The following HIVEP3 variants were observed in gnomAD, a reference collection of about 807,000 sequenced individuals.
HIVEP3 encodes HIVEP zinc finger 3, also known as transcription factor HIVEP3.
In HIVEP3, 49 loss-of-function variants were observed where a neutral mutation model predicts 152.8. The ratio of observed to expected loss-of-function variants is 0.32; its 90% CI spans 0.26 to 0.41. The LOEUF (loss-of-function observed/expected upper bound fraction) is 0.41, where lower values mean the gene tolerates loss of function less well. Among genes scored for constraint, HIVEP3 ranks in the 10% least tolerant of loss-of-function variants. The pLI is 1.00. For missense variants in HIVEP3, 2,790 were observed against 3,103.3 expected (o/e 0.90, Z 2.40); for synonymous variants, 1,269 against 1,289.0 (o/e 0.98, Z 0.33).
intron 5 of HIVEP3, among the ~76,000 whole-genome samples, chr1:41,572,391 C>T (rs965114219): frequency 6.6e-6 from 1 of 150,956 alleles, no homozygotes; most frequent in African/African-American, 2.4e-5. Flanking sequence ...TGCTGGGCAG[C>T]GTACCCTTCC....
intron 1 of HIVEP3, among the ~76,000 whole-genome samples, chr1:41,939,848 T>C (rs528913271): frequency 4.6e-5 from 7 of 152,198 alleles, no homozygotes; most frequent in African/African-American, 9.6e-5. Context: ...GCTAAATATA[T>C]GTCTTCCCTC....
In HIVEP3 at chr1:41,513,267, T is replaced by C. The variant is rs376287184; in HGVS notation, c.5954A>G (p.His1985Arg). ...AGSRPPLARK[H>R]SLTKNDSSPQ... is the part of the protein sequence containing the mutation. The stretch of plus-strand genomic sequence containing the variant: ...AGATGAGTCGTTTTTGGTTAGCGAG[T>C]GTTTGCGGGCTAGTGGTGGACGGCT... The change falls in exon 8 of 9, where the codon CAC becomes CGC. Residue 1985 changes from histidine to arginine, a missense_variant. Physicochemically the swap from His to Arg is conservative, Grantham distance 29 (BLOSUM62 0). Around this residue, in one of 9 missense-constraint regions of HIVEP3, gnomAD observed 816 missense variants for 806.5 expected, o/e 1.01. Transcript: ENST00000372583. 1.0e-5 allele frequency: 16 copies of C among 1,602,122 alleles called. No individual in the cohort carries two copies. Among genetic ancestry groups the C allele is most frequent in the Non-Finnish European group, 1.3e-5 (15 of 1,174,140 alleles).
intron 2 of HIVEP3, among the ~76,000 whole-genome samples, chr1:41,694,957 A>G (rs1393952374): frequency 6.6e-6 from 1 of 152,130 alleles, no homozygotes; most frequent in African/African-American, 2.4e-5. Context: ...AGACCACCAG[A>G]GTCTGGGAGG....
rs1271424242 is a variant in HIVEP3, at chr1:41,563,121, C to T, written c.5207+12423G>A. ...CAGCACTTCGGGAGGCTGAAGTGAG[C>T]GGATCACTTGAAGTCAGGAGTTTAA... is the stretch of plus-strand genomic sequence containing the variant. On this transcript the variant is annotated intron_variant, in intron 5 of 8. Coordinates refer to ENST00000372583, the MANE Select transcript of HIVEP3 (RefSeq NM_024503.5). 5.9e-5 allele frequency among the ~76,000 whole-genome samples: 9 copies of T among 152,034 alleles called. No homozygotes were observed. In the East Asian group the frequency reaches 1.2e-3, roughly 20 times the overall value.
At chr1:41,858,241 T>C (rs963429563) in intron 1 of HIVEP3, among the ~76,000 whole-genome samples, 2 of 152,222 alleles carry the variant, frequency 1.3e-5, no homozygotes, top group Non-Finnish European at 2.9e-5. Context: ...CATATTGGAA[T>C]GGACTGTTTC....
At chr1:41,725,286 C>T (rs989085325) in intron 1 of HIVEP3, among the ~76,000 whole-genome samples, 1 of 152,166 alleles carries the variant, frequency 6.6e-6, no homozygotes, top group African/African-American at 2.4e-5. Flanking sequence ...ACTTATCAGC[C>T]GATGTCTCCT....
At chr1:42,030,047 C>T (rs779203609) in intron 1 of HIVEP3, among the ~76,000 whole-genome samples, 2 of 152,232 alleles carry the variant, frequency 1.3e-5, no homozygotes, top group South Asian at 2.1e-4. Context: ...TGCCTTTCTC[C>T]CACCCGACCC....
Position 41,580,897 on chromosome 1 carries a change from A to G in HIVEP3, c.3901T>C (p.Ser1301Pro). Residue 1301 changes from serine (S) to proline (P), a missense_variant, in exon 4 of 9, where the codon TCA becomes CCA. Transcript: ENST00000372583. ...APPASSSAPT[S>P]APPLALPACP... The stretch of plus-strand genomic sequence containing the variant: ...GCAGGCAGGGCCAGTGGAGGAGCTG[A>G]TGTAGGTGCTGAGGAGCTGGCTGGG... The G allele has an allele frequency of 6.2e-7, 1 of 1,612,050 alleles. No homozygotes were observed.
intron 6 of HIVEP3, among the ~76,000 whole-genome samples, chr1:41,521,406 A>AG (rs1325540027): frequency 3.9e-5 from 6 of 152,350 alleles, no homozygotes; most frequent in Admixed American, 6.5e-5. Context: ...TGCCCCCGCC[A>AG]CGGGGGTGCA....
chr1:41,787,540 T>C (rs1649426471), intron 1 of HIVEP3, among the ~76,000 whole-genome samples: 1 of 149,012 alleles, frequency 6.7e-6, no homozygotes, highest in Non-Finnish European at 1.5e-5. Context: ...TCTTTCTTTT[T>C]TTTTTTTTTT....
At chr1:41,562,029 A>G (rs1264918253) in intron 5 of HIVEP3, among the ~76,000 whole-genome samples, 2 of 152,182 alleles carry the variant, frequency 1.3e-5, no homozygotes, top group Non-Finnish European at 2.9e-5. Context: ...GGAAAGAACT[A>G]TGAAGGAGGA....
intron 1 of HIVEP3, among the ~76,000 whole-genome samples, chr1:41,966,801 A>AC (rs1479640058): frequency 1.3e-5 from 2 of 151,752 alleles, no homozygotes; most frequent in South Asian, 4.2e-4. Context: ...TATTCAAAAG[A>AC]CCCATCTCAC....
intron 2 of HIVEP3, among the ~76,000 whole-genome samples, chr1:41,685,660 G>A (rs934705481): frequency 6.6e-6 from 1 of 152,164 alleles, no homozygotes; most frequent in African/African-American, 2.4e-5. Flanking sequence ...TCACAAACCC[G>A]ATTTCTACCT....
intron 1 of HIVEP3, among the ~76,000 whole-genome samples, chr1:41,887,561 G>A (rs1644366417): frequency 6.6e-6 from 1 of 152,186 alleles, no homozygotes; most frequent in Admixed American, 6.5e-5. Flanking sequence ...CCATAGGGCA[G>A]CCTGGGCTAC....
Position 41,582,681 on chromosome 1 carries a change from G to A in HIVEP3, c.2117C>T (p.Thr706Ile), listed in dbSNP as rs1424796119. Residue 706 changes from threonine to isoleucine, a missense_variant, in exon 4 of 9, where the codon ACC (threonine) becomes ATC (isoleucine). Thr to Ile is a moderately conservative substitution (Grantham distance 89). Coordinates refer to ENST00000372583, the MANE Select transcript of HIVEP3 (RefSeq NM_024503.5). This position sits in a 1 kb window ranked among gnomAD's most constrained non-coding sequence, Gnocchi z 4.7. ...CTTCCTCAGTGGAGTGAGTTCCAGG[G>A]TGGTTCCCAGTTTGTAATGCATCAT... ...SQMMHYKLGT[T>I]LELTPLRKRR... The A allele has an allele frequency of 3.1e-6, 5 of 1,614,136 alleles. No individual in the cohort carries two copies. The South Asian group carries it at 5.5e-5, about 18-fold the overall frequency.
chr1:41,582,116 G>C lies in HIVEP3; in HGVS notation c.2682C>G (p.Ala894=). 1 of 1,614,122 alleles carries C rather than the reference G, an allele frequency of 6.2e-7. No homozygotes were observed. The highest frequency in any genetic ancestry group is 8.5e-7 in the Non-Finnish European group (1 of 1,180,028). ...GTGGCAGCTTCTCAGCTGGGAGCTGGGCAAGTGTCTGGCTGCGCTGGGGCC... is the reference window on the plus strand; with the variant it reads ...GTGGCAGCTTCTCAGCTGGGAGCTGCGCAAGTGTCTGGCTGCGCTGGGGCC... ...FQWPQRSQTL[A]QLPAEKLPPK... The change falls in exon 4 of 9, where the codon GCC becomes GCG. Residue 894 remains alanine (A), a synonymous_variant. Transcript: ENST00000372583. This position sits in a 1 kb window ranked among gnomAD's most constrained non-coding sequence, Gnocchi z 4.7.
intron 5 of HIVEP3, among the ~76,000 whole-genome samples, chr1:41,562,868 C>T (rs1051956760): frequency 5.9e-5 from 9 of 152,044 alleles, no homozygotes; most frequent in African/African-American, 1.7e-4. Flanking sequence ...AAGGTAAGGA[C>T]GATTGGTGGA....
intron 1 of HIVEP3, among the ~76,000 whole-genome samples, chr1:41,805,651 G>T (rs752304193): frequency 2.0e-5 from 3 of 152,214 alleles, no homozygotes; most frequent in Non-Finnish European, 4.4e-5. Flanking sequence ...TGCATCCCAG[G>T]CAAGAGGATA....
In HIVEP3 at chr1:41,510,243, T is replaced by G; in HGVS notation, c.*208A>C. The G allele has an allele frequency of 2.5e-6, 1 of 398,926 alleles. No homozygotes were observed. Among genetic ancestry groups the G allele is most frequent in the Non-Finnish European group, 4.4e-6 (1 of 227,966 alleles). 24.7% of individuals were successfully genotyped at this position (398,926 alleles called of 1,614,324 possible). On this transcript the variant is annotated 3_prime_UTR_variant, in exon 9 of 9. Coordinates refer to ENST00000372583, the MANE Select transcript of HIVEP3 (RefSeq NM_024503.5). Reference sequence around the variant, plus strand: ...TGTTTTTTTTTTAAATGTATGTATGTGATTTGTTTTGTTTCTTTTTAAGCA... The same window carrying G: ...TGTTTTTTTTTTAAATGTATGTATGGGATTTGTTTTGTTTCTTTTTAAGCA...
Sources: gnomAD v4.1 joint callset for allele counts (sites outside exome capture counted in the v4.1 genomes callset) on GRCh38, gnomAD v4.1.1 for gene constraint, gnomAD v4.1.1 regional missense constraint, Gnocchi (gnomAD v3.1) non-coding constraint, MANE v1.5 for transcripts, NCBI Gene and HGNC (gene_info 2026-07-23, HGNC 2026-07-21) for gene names.